Variants in ZNF892 observed in about 807,000 individuals in gnomAD.
The protein encoded by ZNF892 is zinc finger protein 892.
chr2:95,243,819 G>A, the ZNF892 span, among the ~76,000 whole-genome samples: 2 of 152,202 alleles, frequency 1.3e-5, no homozygotes, highest in African/African-American at 4.8e-5. Context: ...CCTCTGCCCG[G>A]CCACCACCCC....
At chr2:95,228,666 C>T in the ZNF892 span, among the ~76,000 whole-genome samples, 1 of 152,132 alleles carries the variant, frequency 6.6e-6, no homozygotes, top group Non-Finnish European at 1.5e-5. Flanking sequence ...ACATTAGTGC[C>T]TACAAAATGG....
chr2:95,252,154 A>T, the ZNF892 span, among the ~76,000 whole-genome samples: 1 of 152,168 alleles, frequency 6.6e-6, no homozygotes, highest in African/African-American at 2.4e-5. Flanking sequence ...TTACATATGT[A>T]TACATGTGCC....
At chr2:95,247,213 A>G in the ZNF892 span, among the ~76,000 whole-genome samples, 1 of 152,198 alleles carries the variant, frequency 6.6e-6, no homozygotes, top group Non-Finnish European at 1.5e-5. Flanking sequence ...GCATACCTAC[A>G]GCCATCTGAG....
At chr2:95,243,776 A>T in the ZNF892 span, among the ~76,000 whole-genome samples, 1 of 143,910 alleles carries the variant, frequency 6.9e-6, no homozygotes, top group African/African-American at 2.6e-5. Context: ...GGGGCGCCTC[A>T]GCCCGGCCGC....
chr2:95,214,544 A>T, the ZNF892 span: 1 of 398,640 alleles, frequency 2.5e-6, no homozygotes, highest in South Asian at 1.3e-4. Flanking sequence ...GAAGCTACCA[A>T]TCTGATGAAT....
the ZNF892 span, among the ~76,000 whole-genome samples, chr2:95,243,006 C>T: frequency 9.2e-5 from 14 of 152,214 alleles, no homozygotes; most frequent in Admixed American, 3.3e-4. Flanking sequence ...CGCGCCGCCA[C>T]GCCTGACTGG....
At chr2:95,257,072 T>A in the ZNF892 span, among the ~76,000 whole-genome samples, 1 of 152,212 alleles carries the variant, frequency 6.6e-6, no homozygotes, top group South Asian at 2.1e-4. Context: ...TTCTCTCAAT[T>A]TGTCAAAGTC....
At chr2:95,211,754 C>G in the ZNF892 span, 4 of 398,316 alleles carry the variant, frequency 1.0e-5, no homozygotes, top group Non-Finnish European at 1.8e-5. Flanking sequence ...TGTGAATTTA[C>G]CCAGTGTGGT....
At chr2:95,219,165 ATT>A in the ZNF892 span, among the ~76,000 whole-genome samples, 4 of 143,638 alleles carry the variant, frequency 2.8e-5, no homozygotes, top group Non-Finnish European at 3.1e-5. Context: ...TGCCCGGCTA[ATT>A]TTTTTTTTTT....
the ZNF892 span, among the ~76,000 whole-genome samples, chr2:95,233,920 T>C: frequency 1.3e-5 from 2 of 152,200 alleles, no homozygotes; most frequent in East Asian, 3.9e-4. Context: ...GCTCAAGTGA[T>C]CTGCCTGCCT....
At chr2:95,212,026 A>G in the ZNF892 span, among the ~76,000 whole-genome samples, 4 of 152,166 alleles carry the variant, frequency 2.6e-5, no homozygotes, top group African/African-American at 9.7e-5. Flanking sequence ...GGGGGAGGTA[A>G]AATTGATAAG....
chr2:95,248,941 TATTGATTG>T, the ZNF892 span, among the ~76,000 whole-genome samples: 3 of 151,796 alleles, frequency 2.0e-5, no homozygotes, highest in African/African-American at 7.3e-5. Flanking sequence ...TTGCATACCT[TATTGATTG>T]ATTGATTGAT....
At chr2:95,258,040 C>T in the ZNF892 span, among the ~76,000 whole-genome samples, 1 of 152,202 alleles carries the variant, frequency 6.6e-6, no homozygotes, top group East Asian at 1.9e-4. Context: ...CCTCGCCCTG[C>T]TTTGGCTCAC....
At chr2:95,251,156 C>T in the ZNF892 span, among the ~76,000 whole-genome samples, 2 of 152,008 alleles carry the variant, frequency 1.3e-5, no homozygotes. Flanking sequence ...CTATACATAA[C>T]ATACATATGT....
chr2:95,229,073 A>T, the ZNF892 span, among the ~76,000 whole-genome samples: 1 of 151,834 alleles, frequency 6.6e-6, no homozygotes, highest in Non-Finnish European at 1.5e-5. Context: ...TTCTTAATAG[A>T]TTGATTGATG....
At chr2:95,236,955 C>A in the ZNF892 span, among the ~76,000 whole-genome samples, 1 of 152,064 alleles carries the variant, frequency 6.6e-6, no homozygotes, top group African/African-American at 2.4e-5. Context: ...CACTTTGATT[C>A]TTTATTACAC....
chr2:95,244,112 A>G, the ZNF892 span, among the ~76,000 whole-genome samples: 2 of 150,848 alleles, frequency 1.3e-5, no homozygotes, highest in South Asian at 2.1e-4. Context: ...GCGGTGCAAG[A>G]TGTGCTTTGT....
chr2:95,225,737 C>G, the ZNF892 span, among the ~76,000 whole-genome samples: 2 of 152,186 alleles, frequency 1.3e-5, no homozygotes, highest in Admixed American at 6.5e-5. Context: ...GATTCCAAAG[C>G]CCAGAGTCTC....
the ZNF892 span, among the ~76,000 whole-genome samples, chr2:95,208,120 G>A: frequency 6.6e-6 from 1 of 152,198 alleles, no homozygotes; most frequent in East Asian, 1.9e-4. Flanking sequence ...TAAGGCAGTA[G>A]GAAGGAACTA....
Sources: gnomAD v4.1 joint callset for allele counts (sites outside exome capture counted in the v4.1 genomes callset) on GRCh38, gnomAD v4.1.1 for gene constraint, MANE v1.5 for transcripts, NCBI Gene and HGNC (gene_info 2026-07-23, HGNC 2026-07-21) for gene names.